The following FGGY variants were observed in gnomAD, a reference collection of about 807,000 sequenced individuals.
FGGY encodes the protein FGGY carbohydrate kinase domain containing.
A neutral mutation model predicts 71.3 loss-of-function variants in FGGY; 72 were observed. That is an observed-to-expected ratio of 1.01 (90% CI 0.84 to 1.23). The LOEUF is 1.23. Among genes scored for constraint, FGGY ranks in the 50% most tolerant of loss-of-function variants. FGGY has a pLI of 0.00. For missense variants in FGGY, 668 were observed against 682.3 expected (o/e 0.98, Z 0.23); for synonymous variants, 251 against 250.3 (o/e 1.00, Z -0.02).
intron 5 of FGGY, among the ~76,000 whole-genome samples, chr1:59,421,399 A>C (rs1268984955): frequency 6.6e-6 from 1 of 152,082 alleles, no homozygotes; most frequent in Non-Finnish European, 1.5e-5. Context: ...TTTACAGAAA[A>C]ATTTTTTAAA....
At chr1:59,399,594 A>G (rs1004400628) in intron 5 of FGGY, among the ~76,000 whole-genome samples, 4 of 152,210 alleles carry the variant, frequency 2.6e-5, no homozygotes, top group African/African-American at 9.6e-5. Context: ...AGCTCTTTGT[A>G]AGGATTAAAT....
At chr1:59,519,989 G>A (rs1031244962) in intron 7 of FGGY, among the ~76,000 whole-genome samples, 2 of 152,214 alleles carry the variant, frequency 1.3e-5, no homozygotes, top group South Asian at 4.1e-4. Flanking sequence ...TGGGGAAAGG[G>A]AAATGGCACT....
At chr1:59,751,158 C>A (rs149256761) in intron 14 of FGGY, among the ~76,000 whole-genome samples, 1 of 152,060 alleles carries the variant, frequency 6.6e-6, no homozygotes, top group South Asian at 2.1e-4. Flanking sequence ...GGCTTTATGA[C>A]CTTGGGAAAA....
chr1:59,422,574 A>G (rs1035763938), intron 5 of FGGY, among the ~76,000 whole-genome samples: 3 of 151,872 alleles, frequency 2.0e-5, no homozygotes, highest in Non-Finnish European at 4.4e-5. Flanking sequence ...GCGTGCCTTT[A>G]GTCCCAGCTA....
chr1:59,585,138 A>G (rs1377824419), intron 8 of FGGY, among the ~76,000 whole-genome samples: 1 of 152,150 alleles, frequency 6.6e-6, no homozygotes, highest in African/African-American at 2.4e-5. Flanking sequence ...CAAGCTACCA[A>G]TGACTTTCTT....
In FGGY at chr1:59,549,014, A is replaced by G. The variant is rs552273957; in HGVS notation, c.800-5110A>G. Among the ~76,000 whole-genome samples the G allele has an allele frequency of 2.0e-5, 3 of 152,336 alleles. No homozygotes were observed. In the East Asian group the frequency reaches 5.8e-4, roughly 29 times the overall value. On this transcript the variant is annotated intron_variant, in intron 7 of 15. Transcript: ENST00000303721. ...AGCACTGTGCCATAATACTAACTCA[A>G]TATATTGTGTTCTGTTTAACATAAA...
At chr1:59,591,145 A>G (rs2096427276) in intron 8 of FGGY, among the ~76,000 whole-genome samples, 1 of 148,738 alleles carries the variant, frequency 6.7e-6, no homozygotes, top group Non-Finnish European at 1.5e-5. Context: ...TACACCAATA[A>G]CAGACAAAGA....
rs145541153 is a variant in FGGY at position 59,598,902 on chromosome 1, C to T, written c.904-8901C>T. ...AACAGGTACACATTACCTGTTAATA[C>T]ACATTACAGATGTATTTGTAGAGAT... On this transcript the variant is annotated intron_variant, in intron 8 of 15. Coordinates refer to ENST00000303721, the MANE Select transcript of FGGY (RefSeq NM_018291.5). Among the ~76,000 whole-genome samples the T allele has an allele frequency of 9.2e-5, 14 of 152,312 alleles. No homozygotes were observed. The East Asian group carries it at 2.7e-3, about 29-fold the overall frequency.
chr1:59,464,209 A>G (rs901218977), intron 6 of FGGY, among the ~76,000 whole-genome samples: 1 of 152,196 alleles, frequency 6.6e-6, no homozygotes, highest in African/African-American at 2.4e-5. Context: ...GGATTAAGAA[A>G]CTCACTCAAA....
At chr1:59,439,812 AC>A (rs1391401135) in intron 5 of FGGY, among the ~76,000 whole-genome samples, 1 of 152,108 alleles carries the variant, frequency 6.6e-6, no homozygotes, top group African/African-American at 2.4e-5. Flanking sequence ...ATATTTCCAA[AC>A]CATTGAATAC....
chr1:59,332,605 A>G (rs1488164311), intron 2 of FGGY, among the ~76,000 whole-genome samples: 1 of 152,202 alleles, frequency 6.6e-6, no homozygotes, highest in Non-Finnish European at 1.5e-5. Context: ...TGCATGCCAC[A>G]GTTACTCTTC....
intron 2 of FGGY, among the ~76,000 whole-genome samples, chr1:59,334,369 C>G (rs1243578568): frequency 2.6e-5 from 4 of 152,172 alleles, no homozygotes; most frequent in African/African-American, 9.7e-5. Context: ...GTCTCAAACT[C>G]CTGACCTCAA....
chr1:59,508,611 A>G (rs976618930), intron 6 of FGGY, among the ~76,000 whole-genome samples: 2 of 152,102 alleles, frequency 1.3e-5, no homozygotes, highest in African/African-American at 4.8e-5. Flanking sequence ...TGAAGGGGTG[A>G]TTTCTCAGGG....
intron 5 of FGGY, among the ~76,000 whole-genome samples, chr1:59,433,369 C>T (rs995275425): frequency 2.0e-5 from 3 of 152,080 alleles, no homozygotes; most frequent in Non-Finnish European, 4.4e-5. Flanking sequence ...TGTTCATATC[C>T]GAAAAGGGCA....
chr1:59,615,304 A>G (rs904572316), intron 9 of FGGY, among the ~76,000 whole-genome samples: 3 of 152,216 alleles, frequency 2.0e-5, no homozygotes, highest in African/African-American at 7.2e-5. Context: ...TAACAGAGAT[A>G]TAGACCAATG....
At chr1:59,582,383 C>T (rs768564537) in intron 8 of FGGY, among the ~76,000 whole-genome samples, 1 of 150,098 alleles carries the variant, frequency 6.7e-6, no homozygotes, top group Non-Finnish European at 1.5e-5. Context: ...TTTGCACTGT[C>T]CTTACAGTAA....
chr1:59,630,969 C>T (rs1226141219), intron 10 of FGGY, among the ~76,000 whole-genome samples: 2 of 152,190 alleles, frequency 1.3e-5, no homozygotes, highest in Non-Finnish European at 2.9e-5. Context: ...TTGCCCACTG[C>T]AGTTTGAATT....
chr1:59,301,386 C>T (rs922886539), intron 1 of FGGY, among the ~76,000 whole-genome samples: 9 of 152,092 alleles, frequency 5.9e-5, no homozygotes, highest in African/African-American at 2.2e-4. Context: ...TTAGGTGATC[C>T]TGTCATCTGT....
chr1:59,543,217 T>A (rs2153690306), intron 7 of FGGY, among the ~76,000 whole-genome samples: 1 of 152,206 alleles, frequency 6.6e-6, no homozygotes, highest in Non-Finnish European at 1.5e-5. Flanking sequence ...CTGCTTAGGG[T>A]TTTGTTTTGT....
Sources: allele counts gnomAD v4.1 joint callset (sites outside exome capture counted in the v4.1 genomes callset), GRCh38; gene constraint gnomAD v4.1.1; transcripts MANE v1.5; gene names NCBI Gene and HGNC (gene_info 2026-07-23, HGNC 2026-07-21).